The following ZNF536 variants were observed in gnomAD, a reference collection of about 807,000 sequenced individuals.
ZNF536 encodes zinc finger protein 536.
Under a neutral mutation model 84.5 loss-of-function variants are expected in ZNF536, and 13 were observed. The ratio of observed to expected loss-of-function variants is 0.15; its 90% CI spans 0.10 to 0.24. The LOEUF is 0.24. Among genes scored for constraint, ZNF536 ranks in the 10% least tolerant of loss-of-function variants. ZNF536 has a pLI of 1.00. For synonymous variants in ZNF536, 811 were observed against 742.5 expected (o/e 1.09, Z -1.50); for missense variants, 1,536 against 1,747.5 (o/e 0.88, Z 2.16).
At chr19:30,432,614 A>G (rs867151645) in intron 1 of ZNF536, among the ~76,000 whole-genome samples, 10 of 151,538 alleles carry the variant, frequency 6.6e-5, no homozygotes, top group Middle Eastern at 3.4e-3. Flanking sequence ...CAAACCCTAC[A>G]CTCTTCTTTC....
intron 2 of ZNF536, among the ~76,000 whole-genome samples, chr19:30,524,452 A>C (rs914773503): frequency 2.0e-5 from 3 of 152,162 alleles, no homozygotes; most frequent in African/African-American, 7.2e-5. Context: ...CCAACTATTA[A>C]ATGAAAGATA....
intron 1 of ZNF536, among the ~76,000 whole-genome samples, chr19:30,435,468 A>ACTG (rs1352271298): frequency 2.1e-5 from 3 of 145,378 alleles, no homozygotes; most frequent in Non-Finnish European, 3.0e-5. Flanking sequence ...TGGTAGTGAT[A>ACTG]CTGCTGCTGC....
chr19:30,656,682 TCCCTGGG>T (rs2049927706), intron 1 of ZNF536, among the ~76,000 whole-genome samples: 1 of 152,206 alleles, frequency 6.6e-6, no homozygotes. Context: ...TTTGGCTGTG[TCCCTGGG>T]CAGCAATGCC....
At position 30,548,709 on chromosome 19, in the gene ZNF536, C is replaced by T. The variant is rs2045652747; in HGVS notation, c.3090C>T (p.Arg1030=). 6.2e-7 allele frequency: 1 copy of T among 1,613,874 alleles called. No individual in the cohort carries two copies. Among genetic ancestry groups the T allele is most frequent in the Admixed American group, 1.7e-5 (1 of 60,004 alleles). The change falls in exon 4 of 5, where the codon CGC becomes CGT. Residue 1030 remains arginine (R), a synonymous_variant. Transcript: ENST00000355537. Reference sequence around the variant, plus strand: ...CCAACCACCTGGGCAAAGCGAAACGCAAAGATAACACCATCGGGGTCACAG... The same window carrying T: ...CCAACCACCTGGGCAAAGCGAAACGTAAAGATAACACCATCGGGGTCACAG... The part of the protein sequence containing the change: ...LQANHLGKAK[R]KDNTIGVTVN...
At chr19:30,260,301 T>C (rs1290174508) in intron 1 of ZNF536, among the ~76,000 whole-genome samples, 1 of 152,252 alleles carries the variant, frequency 6.6e-6, no homozygotes, top group African/African-American at 2.4e-5. Context: ...GGTGTTTCCA[T>C]GTTCAGGTTG....
chr19:30,612,997 ACAGT>A (rs1171288387), intron 1 of ZNF536, among the ~76,000 whole-genome samples: 1 of 152,162 alleles, frequency 6.6e-6, no homozygotes, highest in Non-Finnish European at 1.5e-5. Context: ...TTGAAGAGTA[ACAGT>A]CAGTTACTTT....
intron 2 of ZNF536, among the ~76,000 whole-genome samples, chr19:30,500,574 C>G (rs1234356783): frequency 7.3e-5 from 11 of 151,614 alleles, no homozygotes; most frequent in Non-Finnish European, 4.4e-5. Flanking sequence ...TCACACAACC[C>G]CAGGCTTGCT....
intron 2 of ZNF536, among the ~76,000 whole-genome samples, chr19:30,294,115 T>G (rs1475399546): frequency 1.3e-5 from 2 of 152,156 alleles, no homozygotes; most frequent in African/African-American, 2.4e-5. Flanking sequence ...CTCTTGCCAA[T>G]GAGCAGCTAA....
intron 1 of ZNF536, among the ~76,000 whole-genome samples, chr19:30,403,444 G>A (rs761079096): frequency 9.2e-5 from 14 of 152,172 alleles, no homozygotes; most frequent in African/African-American, 1.7e-4. Flanking sequence ...TATTTCTTAA[G>A]CAGAGGAAAC....
Position 30,548,024 on chromosome 19 carries a change from A to T in ZNF536, c.2405A>T (p.His802Leu), listed in dbSNP as rs2146177663. 6.2e-7 allele frequency: 1 copy of T among 1,613,784 alleles called. No homozygotes were observed. Among genetic ancestry groups the T allele is most frequent in the Non-Finnish European group, 8.5e-7 (1 of 1,179,880 alleles). Residue 802 changes from histidine to leucine, a missense_variant, in exon 4 of 5, where the codon CAT (histidine) becomes CTT (leucine). Physicochemically the swap from His to Leu is moderately conservative, Grantham distance 99. Transcript: ENST00000355537. ...ASLKYHLERH[H>L]RERQNGAGPL... ...TTAAAATACCACTTAGAGCGACACCATCGGGAGCGGCAGAACGGGGCTGGG... is the reference window on the plus strand; with the variant it reads ...TTAAAATACCACTTAGAGCGACACCTTCGGGAGCGGCAGAACGGGGCTGGG...
At chr19:30,280,793 T>G (rs917263612) in intron 1 of ZNF536, among the ~76,000 whole-genome samples, 1 of 152,194 alleles carries the variant, frequency 6.6e-6, no homozygotes, top group African/African-American at 2.4e-5. Context: ...TTTCTCTGGC[T>G]CCTTCAGGGC....
At chr19:30,613,015 GA>G (rs2048154892) in intron 1 of ZNF536, among the ~76,000 whole-genome samples, 1 of 152,176 alleles carries the variant, frequency 6.6e-6, no homozygotes, top group African/African-American at 2.4e-5. Flanking sequence ...TTACTTTGGA[GA>G]AAAACGCTCA....
At chr19:30,245,282 T>C (rs1020297584) in intron 1 of ZNF536, among the ~76,000 whole-genome samples, 11 of 152,200 alleles carry the variant, frequency 7.2e-5, no homozygotes, top group African/African-American at 2.7e-4. Flanking sequence ...GTCTTGTCCT[T>C]TTCTGTTGTC....
intron 3 of ZNF536, among the ~76,000 whole-genome samples, chr19:30,360,408 C>T (rs529802486): frequency 2.6e-4 from 39 of 152,336 alleles, no homozygotes; most frequent in Middle Eastern, 3.4e-3. Context: ...AATTGCAGAA[C>T]GCCTGCATAA....
chr19:30,234,907 C>T (rs1383393300), intron 1 of ZNF536, among the ~76,000 whole-genome samples: 1 of 152,148 alleles, frequency 6.6e-6, no homozygotes, highest in Non-Finnish European at 1.5e-5. Context: ...CTGAGATTCC[C>T]TCATAATTCC....
rs951081577 is a variant in ZNF536 at position 30,662,962 on chromosome 19, C to CTTTTTTTTTTTTTTTTTTTTTTTTT, written c.170-47771_170-47770insTTTTTTTTTTTTTTTTTTTTTTTTT. Among the ~76,000 whole-genome samples the CTTTTTTTTTTTTTTTTTTTTTTTTT allele has an allele frequency of 2.9e-4, 23 of 78,710 alleles. 1 individual carries two copies. Among genetic ancestry groups the CTTTTTTTTTTTTTTTTTTTTTTTTT allele is most frequent in the Admixed American group, 4.1e-4 (3 of 7,382 alleles). 51.6% of individuals were successfully genotyped at this position (78,710 alleles called of 152,430 possible). A position where few individuals can be genotyped will look rare whatever the true frequency, so the allele number is the denominator to read the frequency against. On this transcript the variant is annotated intron_variant, in intron 1 of 1. Transcript: ENST00000592773. ...CTTTCTTTCTTTTTCTTTTTCGTTTCTTTTTTTTTTTTTTTTTTTTTTTTA... is the reference window on the plus strand; with the variant it reads ...CTTTCTTTCTTTTTCTTTTTCGTTTCTTTTTTTTTTTTTTTTTTTTTTTTTTTTTTTTTTTTTTTTTTTTTTTTTA...
At chr19:30,279,517 C>T (rs1464812289) in intron 1 of ZNF536, among the ~76,000 whole-genome samples, 1 of 152,196 alleles carries the variant, frequency 6.6e-6, no homozygotes. Context: ...TCACTCAGTG[C>T]TTGGAGAAAA....
intron 1 of ZNF536, among the ~76,000 whole-genome samples, chr19:30,567,162 A>G (rs1418547356): frequency 1.3e-5 from 2 of 152,246 alleles, no homozygotes; most frequent in African/African-American, 4.8e-5. Context: ...GAAACCAACC[A>G]AAAGTACATA....
chr19:30,377,623 G>A (rs2147118809), intron 1 of ZNF536, among the ~76,000 whole-genome samples: 1 of 152,220 alleles, frequency 6.6e-6, no homozygotes, highest in East Asian at 1.9e-4. Context: ...GGGGAGATGT[G>A]CTCTGCTACA....
Sources: allele counts gnomAD v4.1 joint callset (sites outside exome capture counted in the v4.1 genomes callset), GRCh38; gene constraint gnomAD v4.1.1; transcripts MANE v1.5; gene names NCBI Gene and HGNC (gene_info 2026-07-23, HGNC 2026-07-21).